PHACTR1: variants seen among roughly 807,000 people sequenced by gnomAD.
The protein encoded by PHACTR1 is RPEL repeat containing 1.
A neutral mutation model predicts 69.2 loss-of-function variants in PHACTR1; 16 were observed. That is an observed-to-expected ratio of 0.23 (90% CI 0.16 to 0.35). The LOEUF (loss-of-function observed/expected upper bound fraction) is 0.35. Ranked by LOEUF, PHACTR1 falls within the 10% of genes least tolerant of loss-of-function variation. PHACTR1 has a pLI of 1.00. For missense variants in PHACTR1, 510 were observed against 734.7 expected, an observed-to-expected ratio of 0.69 and a Z score of 3.54; for synonymous variants, 312 against 284.5, an observed-to-expected ratio of 1.10 and a Z score of -0.97.
chr6:12,806,498 G>A (rs1374197185), intron 4 of PHACTR1, among the ~76,000 whole-genome samples: 2 of 151,938 alleles, frequency 1.3e-5, no homozygotes, highest in Admixed American at 6.6e-5. Context: ...TTTATAATCT[G>A]TTAGAGAGGG....
chr6:12,807,555 T>C (rs1234624034), intron 4 of PHACTR1, among the ~76,000 whole-genome samples: 2 of 152,220 alleles, frequency 1.3e-5, no homozygotes, highest in Non-Finnish European at 2.9e-5. Context: ...TCAGTGCTTA[T>C]TTCAGATATT....
intron 8 of PHACTR1, among the ~76,000 whole-genome samples, chr6:13,214,378 A>G (rs758719747): frequency 1.3e-5 from 2 of 152,198 alleles, no homozygotes; most frequent in Non-Finnish European, 2.9e-5. Flanking sequence ...ATGCCTGATA[A>G]TATCAAACTA....
intron 4 of PHACTR1, among the ~76,000 whole-genome samples, chr6:13,043,113 C>T (rs1245544088): frequency 6.6e-6 from 1 of 152,198 alleles, no homozygotes; most frequent in African/African-American, 2.4e-5. Flanking sequence ...GCTCAATTCT[C>T]AGGCAGCCTC....
intron 7 of PHACTR1, among the ~76,000 whole-genome samples, chr6:13,194,424 A>C (rs1014162454): frequency 6.8e-6 from 1 of 147,154 alleles, no homozygotes; most frequent in African/African-American, 2.5e-5. Flanking sequence ...AAAAGAAAGA[A>C]AGGAAAAAGA....
At chr6:12,931,163 G>T (rs1342798328) in intron 4 of PHACTR1, among the ~76,000 whole-genome samples, 3 of 152,172 alleles carry the variant, frequency 2.0e-5, no homozygotes, top group Non-Finnish European at 4.4e-5. Flanking sequence ...TAATAGCCTG[G>T]AAGAGAGTGG....
intron 4 of PHACTR1, among the ~76,000 whole-genome samples, chr6:12,975,501 TTAACTA>T (rs1368802802): frequency 1.3e-5 from 2 of 152,228 alleles, no homozygotes; most frequent in Non-Finnish European, 2.9e-5. Context: ...CTGAGACATT[TTAACTA>T]TTAAGGAGCT....
At chr6:12,757,235 G>T (rs781380103) in intron 4 of PHACTR1, among the ~76,000 whole-genome samples, 7 of 152,138 alleles carry the variant, frequency 4.6e-5, no homozygotes, top group Non-Finnish European at 1.0e-4. Context: ...GGAGCAGAGT[G>T]AGAGAGAGCT....
At position 12,936,150 on chromosome 6, in the gene PHACTR1, C is replaced by G. The variant is rs556427980; in HGVS notation, c.251-117215C>G. Reference sequence around the variant, plus strand: ...AGCACCAAAACAAACAAAATCCATCCAAATCCCTTATGTTACTTTAGGATT... The same window carrying G: ...AGCACCAAAACAAACAAAATCCATCGAAATCCCTTATGTTACTTTAGGATT... On this transcript the variant is annotated intron_variant, in intron 4 of 14. Coordinates refer to ENST00000332995, the MANE Select transcript of PHACTR1 (RefSeq NM_030948.6). Among the ~76,000 whole-genome samples the G allele has an allele frequency of 2.6e-5, 4 of 151,928 alleles. No individual in the cohort carries two copies. The South Asian group carries it at 8.3e-4, about 32-fold the overall frequency.
rs1222409425 is a variant in PHACTR1, at chr6:13,148,008, AGCCTTCCT to A, written c.416-12195_416-12188del. Among the ~76,000 whole-genome samples the A allele has an allele frequency of 2.8e-3, 427 of 152,318 alleles. 3 individuals are homozygous for A. Among genetic ancestry groups the A allele is most frequent in the African/African-American group, 9.9e-3 (413 of 41,586 alleles). On this transcript the variant is annotated intron_variant, in intron 5 of 14. Transcript: ENST00000332995. ...TGTCCTGATATTTTATTGTAATCAT[AGCCTTCCT>A]TTGCTTTGTAGTTCTAAAGCTTAGA... is the stretch of plus-strand genomic sequence containing the variant.
intron 4 of PHACTR1, among the ~76,000 whole-genome samples, chr6:12,990,227 C>A (rs1162468136): frequency 6.6e-6 from 1 of 152,172 alleles, no homozygotes; most frequent in Non-Finnish European, 1.5e-5. Flanking sequence ...ACCCTTACAC[C>A]CCGTTTCTTC....
At chr6:13,069,679 C>T (rs76457201) in intron 5 of PHACTR1, among the ~76,000 whole-genome samples, 1,946 of 152,196 alleles carry the variant, frequency 0.013, 42 homozygotes, top group African/African-American at 0.044. Flanking sequence ...TTCCTTCTTC[C>T]CAGGTAGAAT....
intron 4 of PHACTR1, among the ~76,000 whole-genome samples, chr6:12,763,117 G>A (rs1467146010): frequency 6.6e-6 from 1 of 152,184 alleles, no homozygotes; most frequent in Non-Finnish European, 1.5e-5. Context: ...GGAGCCTGAG[G>A]CAGGAGAATC....
intron 4 of PHACTR1, among the ~76,000 whole-genome samples, chr6:12,869,984 A>G (rs1417663437): frequency 6.6e-6 from 1 of 152,166 alleles, no homozygotes; most frequent in Admixed American, 6.5e-5. Context: ...ACCTTATGTG[A>G]TAGTCTGATT....
In PHACTR1 at chr6:12,938,268, C is replaced by T. The variant is rs563525329; in HGVS notation, c.251-115097C>T. On this transcript the variant is annotated intron_variant, in intron 4 of 14. Coordinates refer to ENST00000332995, the MANE Select transcript of PHACTR1 (RefSeq NM_030948.6). ...TGTTTTTCAGATGATGTTTATAACT[C>T]ACCAAAGGTTACACAGATAGTGCAT... is the stretch of plus-strand genomic sequence containing the variant. Among the ~76,000 whole-genome samples, 3 of 152,228 alleles carry T rather than the reference C, an allele frequency of 2.0e-5. No homozygotes were observed. The South Asian group carries it at 6.2e-4, about 32-fold the overall frequency.
At chr6:13,160,153 C>A (rs1758775822) in intron 5 of PHACTR1, 51 bp from the exon 6 acceptor site, 1 of 1,514,314 alleles carries the variant, frequency 6.6e-7, no homozygotes, top group Non-Finnish European at 9.2e-7. Flanking sequence ...CTTTAGAAGA[C>A]AACTTTGTTA....
Position 12,749,712 on chromosome 6 carries a change from C to G in PHACTR1, c.172C>G (p.Arg58Gly). 1.9e-6 allele frequency: 3 copies of G among 1,612,300 alleles called. No homozygotes were observed. The highest frequency in any genetic ancestry group is 2.5e-6 in the Non-Finnish European group (3 of 1,179,656). The change falls in exon 4 of 15, where the codon CGG becomes GGG. Residue 58 changes from arginine to glycine, a missense_variant. Physicochemically the swap from Arg to Gly is moderately radical, Grantham distance 125. Coordinates refer to ENST00000332995, the MANE Select transcript of PHACTR1 (RefSeq NM_030948.6). ...AASSEDDIDR[R>G]PIRRVRSKSD... is the part of the protein sequence containing the mutation. ...ATCCTCGGAGGATGATATAGACCGG[C>G]GGCCCATCCGGAGAGTGCGCTCCAA...
chr6:13,052,975 C>A (rs564336042), intron 4 of PHACTR1, among the ~76,000 whole-genome samples: 5 of 152,168 alleles, frequency 3.3e-5, no homozygotes, highest in Non-Finnish European at 4.4e-5. Context: ...GTAGACAGTG[C>A]TGTAGTGATT....
At chr6:13,146,494 A>G (rs551457638) in intron 5 of PHACTR1, among the ~76,000 whole-genome samples, 3 of 152,360 alleles carry the variant, frequency 2.0e-5, no homozygotes, top group South Asian at 2.1e-4. Flanking sequence ...AAACCTGACT[A>G]TCTTAACACT....
intron 4 of PHACTR1, among the ~76,000 whole-genome samples, chr6:12,900,137 C>T (rs1419058795): frequency 6.6e-6 from 1 of 152,246 alleles, no homozygotes; most frequent in Non-Finnish European, 1.5e-5. Context: ...CCTTGCTTCA[C>T]TTCTTCAAAC....
Sources: gnomAD v4.1 joint callset for allele counts (sites outside exome capture counted in the v4.1 genomes callset) on GRCh38, gnomAD v4.1.1 for gene constraint, MANE v1.5 for transcripts, NCBI Gene and HGNC (gene_info 2026-07-23, HGNC 2026-07-21) for gene names.